The following ANKMY1 variants were observed in gnomAD, a reference collection of about 807,000 sequenced individuals.
ANKMY1 encodes the protein ankyrin repeat and MYND domain-containing protein 1.
Under a neutral mutation model 102.0 loss-of-function variants are expected in ANKMY1, and 98 were observed. That is an observed-to-expected ratio of 0.96 (90% CI 0.82 to 1.14). The LOEUF (loss-of-function observed/expected upper bound fraction) is 1.14. Among genes scored for constraint, ANKMY1 ranks in the 50% most tolerant of loss-of-function variants. The pLI is 0.00. For missense variants in ANKMY1, 1,330 were observed against 1,347.6 expected (o/e 0.99, Z 0.20); for synonymous variants, 582 against 559.9 (o/e 1.04, Z -0.56).
downstream of ANKMY1, among the ~76,000 whole-genome samples, chr2:240,477,687 A>G (rs1212153774): frequency 6.6e-6 from 1 of 152,130 alleles, no homozygotes; most frequent in Non-Finnish European, 1.5e-5. Context: ...TCCCCCAGTT[A>G]TTTTTATCAC....
chr2:240,548,998 A>G (rs1222159828), intron 4 of ANKMY1, among the ~76,000 whole-genome samples: 8 of 152,008 alleles, frequency 5.3e-5, no homozygotes, highest in South Asian at 2.1e-4. Context: ...TTTCTTCACA[A>G]AATTGGAAAA....
In ANKMY1 at chr2:240,525,744, G is replaced by A; in HGVS notation, c.1276C>T (p.His426Tyr). Residue 426 changes from histidine (H) to tyrosine (Y), a missense_variant, in exon 7 of 18, where the codon CAC (histidine) becomes TAC (tyrosine). By Grantham distance (83) the His-to-Tyr change is moderately conservative (BLOSUM62 2). Coordinates refer to ENST00000401804, the MANE Select transcript of ANKMY1 (RefSeq NM_001282771.3). ...GGCTTGAAGGACTGGGCGGGGTAGTGGAGGAGGAAACACATGCTGAGTGCC... is the reference window on the plus strand; with the variant it reads ...GGCTTGAAGGACTGGGCGGGGTAGTAGAGGAGGAAACACATGCTGAGTGCC... ...LTALSMCFLLHYPAQSFKPNV... is the reference protein window; with the variant it reads ...LTALSMCFLLYYPAQSFKPNV... 6.2e-7 allele frequency: 1 copy of A among 1,614,160 alleles called. No individual in the cohort carries two copies. Among genetic ancestry groups the A allele is most frequent in the Non-Finnish European group, 8.5e-7 (1 of 1,180,014 alleles).
intron 7 of ANKMY1, among the ~76,000 whole-genome samples, chr2:240,525,082 T>A (rs1035087368): frequency 1.3e-5 from 2 of 152,240 alleles, no homozygotes; most frequent in African/African-American, 4.8e-5. Flanking sequence ...AGCCACAAGA[T>A]CACCACACCA....
chr2:240,524,340 T>C lies in ANKMY1; in HGVS notation c.1377A>G (p.Ser459=). The C allele has an allele frequency of 3.1e-6, 5 of 1,608,676 alleles. No homozygotes were observed. The highest frequency in any genetic ancestry group is 2.2e-5 in the East Asian group (1 of 44,764). ...KFPVVPILSS[S]FMDTNLESLY... is the part of the protein sequence containing the mutation. ...GAGACTCCAGGTTTGTGTCCATAAA[T>C]GATGATGAAAGGATTGGAACAACTG... Residue 459 remains serine, a synonymous_variant, in exon 8 of 18, where the codon TCA becomes TCG. Transcript: ENST00000401804.
At chr2:240,472,254 C>T in the ANKMY1 span, among the ~76,000 whole-genome samples, 1 of 124,366 alleles carries the variant, frequency 8.0e-6, no homozygotes, top group Non-Finnish European at 1.9e-5. Context: ...GGCAGGCCTA[C>T]CAATCTACGG....
At chr2:240,498,685 G>C (rs1251366603) in intron 15 of ANKMY1, among the ~76,000 whole-genome samples, 1 of 152,082 alleles carries the variant, frequency 6.6e-6, no homozygotes, top group Non-Finnish European at 1.5e-5. Context: ...ATCTCATGTT[G>C]AACTGTGGGC....
Position 240,557,982 on chromosome 2 carries a change from C to T in ANKMY1, c.-119G>A. The T allele has an allele frequency of 1.0e-6, 1 of 985,602 alleles. No homozygotes were observed. The highest frequency in any genetic ancestry group is 1.2e-6 in the Non-Finnish European group (1 of 830,040). The allele number at this position is 985,602 out of a possible 1,614,324, so 61.1% of individuals were successfully genotyped here. A position where few individuals can be genotyped will look rare whatever the true frequency, so the allele number is the denominator to read the frequency against. On this transcript the variant is annotated 5_prime_UTR_variant, in exon 1 of 18. Transcript: ENST00000401804. ...CCGTCCCGACTGCTTGCCAGCCCTG[C>T]GCCTACGGAGAGCGTCGCGTTTCCC...
chr2:240,473,489 A>AAG, the ANKMY1 span, among the ~76,000 whole-genome samples: 3 of 151,674 alleles, frequency 2.0e-5, no homozygotes, highest in Non-Finnish European at 2.9e-5. Context: ...AAAAAAAAAA[A>AAG]AAGAATAAAA....
intron 4 of ANKMY1, among the ~76,000 whole-genome samples, chr2:240,544,106 G>A (rs1399434578): frequency 1.3e-5 from 2 of 152,186 alleles, no homozygotes; most frequent in Non-Finnish European, 2.9e-5. Flanking sequence ...ATGAAACAAA[G>A]TAGAAAGGAA....
chr2:240,484,562 T>C (rs2075823716), intron 15 of ANKMY1, among the ~76,000 whole-genome samples: 1 of 152,160 alleles, frequency 6.6e-6, no homozygotes, highest in South Asian at 2.1e-4. Flanking sequence ...TCAAGATGGA[T>C]TAAAGACTTA....
intron 9 of ANKMY1, among the ~76,000 whole-genome samples, chr2:240,513,351 G>T (rs1204626938): frequency 2.0e-5 from 3 of 152,188 alleles, no homozygotes. Context: ...TCCACTCACA[G>T]TGTCCCCAGC....
At chr2:240,495,712 C>A (rs1326368535) in intron 15 of ANKMY1, among the ~76,000 whole-genome samples, 1 of 152,152 alleles carries the variant, frequency 6.6e-6, no homozygotes, top group African/African-American at 2.4e-5. Context: ...TAGTTGTCCC[C>A]CGGGCCCAGC....
chr2:240,475,083 T>C (rs150609445), downstream of ANKMY1, among the ~76,000 whole-genome samples: 8 of 152,334 alleles, frequency 5.3e-5, no homozygotes, highest in Non-Finnish European at 1.5e-5. Flanking sequence ...CTCACCTGTA[T>C]CTATTAATTT....
At chr2:240,498,956 C>T (rs1404299323) in intron 15 of ANKMY1, among the ~76,000 whole-genome samples, 2 of 152,186 alleles carry the variant, frequency 1.3e-5, no homozygotes, top group East Asian at 1.9e-4. Flanking sequence ...GCTGGTACCG[C>T]ACTTCCTGTG....
chr2:240,543,974 G>A (rs1397667095), intron 4 of ANKMY1, among the ~76,000 whole-genome samples: 1 of 152,098 alleles, frequency 6.6e-6, no homozygotes, highest in Non-Finnish European at 1.5e-5. Context: ...AAAAGTTGTA[G>A]TTAATTATAA....
rs868042791 is a variant in ANKMY1 at position 240,499,297 on chromosome 2, G to C, written c.2806+661C>G. Among the ~76,000 whole-genome samples the C allele has an allele frequency of 3.3e-5, 5 of 149,844 alleles. No homozygotes were observed. The highest frequency in any genetic ancestry group is 3.4e-3 in the Middle Eastern group (1 of 294). On this transcript the variant is annotated intron_variant, in intron 15 of 17. Transcript: ENST00000401804. This position sits in a 1 kb window ranked among gnomAD's most constrained non-coding sequence, Gnocchi z 4.2. ...TGTGTAAGTGGGTCTGTGTGTGCGA[G>C]GTAGACAAGAGTAGGTAAATGTGAG...
chr2:240,510,324 C>G (rs1488868254), intron 11 of ANKMY1, among the ~76,000 whole-genome samples: 1 of 151,688 alleles, frequency 6.6e-6, no homozygotes, highest in East Asian at 1.9e-4. Context: ...TCCTGCCCTC[C>G]TCCCCCGTCC....
rs2152422559 is a variant in ANKMY1 at position 240,529,097 on chromosome 2, C to T, written c.893G>A (p.Trp298Ter). 3.7e-6 allele frequency: 6 copies of T among 1,614,162 alleles called. No homozygotes were observed. The highest frequency in any genetic ancestry group is 5.1e-6 in the Non-Finnish European group (6 of 1,180,024). The change falls in exon 5 of 18, where the codon TGG becomes TAG. Residue 298 changes from tryptophan to a stop codon, truncating the protein, a stop_gained. Coordinates refer to ENST00000401804, the MANE Select transcript of ANKMY1 (RefSeq NM_001282771.3). LOFTEE classifies it high-confidence loss of function. The surrounding 1 kb of genome is among the most constrained non-coding windows in gnomAD (Gnocchi z 4.2). ...CAAAGGGGTCTCATTGATTATGAACCATGGTTCTCCATCCTCAACGAACGG... is the reference window on the plus strand; with the variant it reads ...CAAAGGGGTCTCATTGATTATGAACTATGGTTCTCCATCCTCAACGAACGG... ...IPPFVEDGEP[W>*]FIINETPLLV...
chr2:240,477,849 C>T (rs147787669), downstream of ANKMY1, among the ~76,000 whole-genome samples: 1 of 143,656 alleles, frequency 7.0e-6, no homozygotes, highest in Non-Finnish European at 1.5e-5. Context: ...GATGCTCCCA[C>T]TTTTAGATAC....
Sources: gnomAD v4.1 joint callset for allele counts (sites outside exome capture counted in the v4.1 genomes callset) on GRCh38, gnomAD v4.1.1 for gene constraint, Gnocchi (gnomAD v3.1) non-coding constraint, MANE v1.5 for transcripts, NCBI Gene and HGNC (gene_info 2026-07-23, HGNC 2026-07-21) for gene names.